DSE: variants seen among roughly 807,000 people sequenced by gnomAD.
The protein encoded by DSE is dermatan-sulfate epimerase.
In DSE, 36 loss-of-function variants were observed where a neutral mutation model predicts 84.4. That is an observed-to-expected ratio of 0.43 (90% CI 0.33 to 0.56). The LOEUF is 0.56. DSE is among the 20% of genes least tolerant of loss of function. The pLI, the probability that DSE is intolerant of heterozygous loss-of-function variation, is 0.06. For missense variants in DSE, 862 were observed against 1,169.6 expected (o/e 0.74, Z 3.84); for synonymous variants, 410 against 430.1 (o/e 0.95, Z 0.58).
At chr6:116,260,864 C>T (rs964814591) in intron 2 of DSE, among the ~76,000 whole-genome samples, 2 of 152,236 alleles carry the variant, frequency 1.3e-5, no homozygotes, top group African/African-American at 4.8e-5. Flanking sequence ...GTATCAGTAC[C>T]ATGCTGTTTT....
At chr6:116,419,080 G>T (rs991198088) in intron 2 of DSE, among the ~76,000 whole-genome samples, 1 of 152,154 alleles carries the variant, frequency 6.6e-6, no homozygotes, top group African/African-American at 2.4e-5. Context: ...TGGACGCCAA[G>T]CCAGGCCAGA....
chr6:116,350,924 A>AAAAAAAAAAAG (rs1778275646), intron 2 of DSE, among the ~76,000 whole-genome samples: 1 of 151,806 alleles, frequency 6.6e-6, no homozygotes, highest in Non-Finnish European at 1.5e-5. Context: ...AAAAAAAAAA[A>AAAAAAAAAAAG]AGTCCTGAAA....
intron 1 of DSE, among the ~76,000 whole-genome samples, chr6:116,387,959 A>G (rs1175353101): frequency 6.6e-6 from 1 of 152,054 alleles, no homozygotes; most frequent in Non-Finnish European, 1.5e-5. Flanking sequence ...TAGGAAAGGG[A>G]TACTGGGTTT....
intron 2 of DSE, among the ~76,000 whole-genome samples, chr6:116,296,424 TAGG>T (rs1417470191): frequency 6.6e-6 from 1 of 152,160 alleles, no homozygotes; most frequent in Non-Finnish European, 1.5e-5. Flanking sequence ...CCCTGCCTAT[TAGG>T]AGTTTATATT....
intron 2 of DSE, among the ~76,000 whole-genome samples, chr6:116,424,690 CAT>C (rs1285487680): frequency 2.0e-5 from 3 of 151,886 alleles, no homozygotes; most frequent in Admixed American, 2.0e-4. Flanking sequence ...GGAGGGGAAA[CAT>C]ATACATAGAC....
At chr6:116,400,231 G>GT (rs754947114) in intron 2 of DSE, 6 of 152,218 alleles carry the variant, frequency 3.9e-5, no homozygotes, top group Non-Finnish European at 8.8e-5. Context: ...TAGTTTCGAA[G>GT]TTTAAGATTT....
intron 2 of DSE, among the ~76,000 whole-genome samples, chr6:116,329,494 A>G (rs929849293): frequency 6.6e-6 from 1 of 152,248 alleles, no homozygotes. Context: ...GATCCCAAAG[A>G]AAAAAGGATA....
chr6:116,408,602 T>C (rs1025579380), intron 2 of DSE, among the ~76,000 whole-genome samples: 5 of 152,212 alleles, frequency 3.3e-5, no homozygotes, highest in African/African-American at 1.2e-4. Context: ...ACTTTCACTC[T>C]GAAGACGTGC....
intron 2 of DSE, among the ~76,000 whole-genome samples, chr6:116,314,628 G>A (rs1562223884): frequency 6.6e-6 from 1 of 152,160 alleles, no homozygotes; most frequent in African/African-American, 2.4e-5. Context: ...ATATATTTGG[G>A]GAAATGGTCA....
rs1784269545 is a variant in DSE at position 116,437,657 on chromosome 6, A to G, written c.*312A>G. 5.1e-6 allele frequency: 1 copy of G among 196,412 alleles called. No homozygotes were observed. Among genetic ancestry groups the G allele is most frequent in the African/African-American group, 2.3e-5 (1 of 42,952 alleles). 12.2% of individuals were successfully genotyped at this position (196,412 alleles called of 1,614,324 possible). On this transcript the variant is annotated 3_prime_UTR_variant, in exon 6 of 6. Transcript: ENST00000644252. ...ATTTTTTAAAGTAATGTTTTTTCTT[A>G]TGAGAAAAAGGTTTAGATAGAATTG...
chr6:116,374,380 A>G lies in DSE; in HGVS notation c.-54+3259A>G, dbSNP rs141076057. Among the ~76,000 whole-genome samples the G allele has an allele frequency of 7.0e-3, 1,065 of 152,284 alleles. 23 individuals are homozygous for G. The highest frequency in any genetic ancestry group is 0.056 in the South Asian group (269 of 4,826). ...TGAGGAGAGCCAGAATCTGTGGTAG[A>G]GGGAACTTCATTATAGTGGATACTA... On this transcript the variant is annotated intron_variant, in intron 1 of 5. Coordinates refer to ENST00000644252, the MANE Select transcript of DSE (RefSeq NM_013352.4).
At chr6:116,351,758 G>T (rs1159383482) in intron 2 of DSE, among the ~76,000 whole-genome samples, 1 of 152,136 alleles carries the variant, frequency 6.6e-6, no homozygotes, top group Non-Finnish European at 1.5e-5. Flanking sequence ...AGTCTTTGCT[G>T]ATTAAAATAG....
At chr6:116,382,769 C>G (rs2114951144) in intron 1 of DSE, among the ~76,000 whole-genome samples, 1 of 152,116 alleles carries the variant, frequency 6.6e-6, no homozygotes, top group East Asian at 1.9e-4. Flanking sequence ...AGCTGTGTGG[C>G]AAGAGAGAAA....
intron 5 of DSE, among the ~76,000 whole-genome samples, chr6:116,434,052 C>T (rs1784008036): frequency 2.0e-5 from 3 of 152,100 alleles, no homozygotes; most frequent in African/African-American, 4.8e-5. Context: ...GCATTATAAT[C>T]TTCTAATAGC....
At chr6:116,358,324 C>T (rs1778691355) in intron 2 of DSE, among the ~76,000 whole-genome samples, 1 of 152,186 alleles carries the variant, frequency 6.6e-6, no homozygotes, top group South Asian at 2.1e-4. Context: ...AATATCACTA[C>T]CATCTGTAAT....
At chr6:116,310,925 C>T (rs956317386) in intron 2 of DSE, among the ~76,000 whole-genome samples, 8 of 152,202 alleles carry the variant, frequency 5.3e-5, no homozygotes, top group Non-Finnish European at 1.2e-4. Flanking sequence ...CTGGGCCCTG[C>T]CTTGCCTGTG....
At chr6:116,375,788 A>G (rs1291307304) in intron 1 of DSE, among the ~76,000 whole-genome samples, 1 of 152,222 alleles carries the variant, frequency 6.6e-6, no homozygotes. Flanking sequence ...GCATTTTGAA[A>G]TTGCCCAGTA....
intron 2 of DSE, among the ~76,000 whole-genome samples, chr6:116,326,938 G>A (rs1009048361): frequency 3.2e-4 from 49 of 152,160 alleles, no homozygotes; most frequent in African/African-American, 1.2e-3. Context: ...GATTAGGCAG[G>A]CAGTTAGATT....
intron 2 of DSE, among the ~76,000 whole-genome samples, chr6:116,304,556 G>A (rs2114713454): frequency 6.6e-6 from 1 of 152,304 alleles, no homozygotes; most frequent in South Asian, 2.1e-4. Flanking sequence ...TTTCAGGTCA[G>A]GTTTTGCTGC....
Sources: allele counts gnomAD v4.1 joint callset (sites outside exome capture counted in the v4.1 genomes callset), GRCh38; gene constraint gnomAD v4.1.1; transcripts MANE v1.5; gene names NCBI Gene and HGNC (gene_info 2026-07-23, HGNC 2026-07-21).